The following ZNF462 variants were observed in gnomAD, a reference collection of about 807,000 sequenced individuals.
ZNF462 encodes zinc finger PBX1-interacting protein.
A neutral mutation model predicts 201.9 loss-of-function variants in ZNF462; 10 were observed. The ratio of observed to expected loss-of-function variants is 0.05; its 90% confidence interval spans 0.03 to 0.08. The LOEUF (loss-of-function observed/expected upper bound fraction) is 0.08. ZNF462 is among the 10% of genes least tolerant of loss of function. The probability of loss-of-function intolerance (pLI) is 1.00; values close to 1 mark genes in which losing one functional copy is unlikely to be tolerated. For synonymous variants in ZNF462, 1,227 were observed against 1,193.3 expected, an observed-to-expected ratio of 1.03 and a Z score of -0.58; for missense variants, 2,523 against 3,168.3, an observed-to-expected ratio of 0.80 and a Z score of 4.89.
chr9:106,927,266 C>G lies in ZNF462; in HGVS notation c.3354C>G (p.His1118Gln). 6.5e-7 allele frequency: 1 copy of G among 1,541,244 alleles called. No homozygotes were observed. Among genetic ancestry groups the G allele is most frequent in the Non-Finnish European group, 8.8e-7 (1 of 1,133,698 alleles). ...GTACTGAGCTTTACTACTGCAAACA[C>G]TGTTCCTACAGCAATCGGTCAGTTG... ...DLSTELYYCK[H>Q]CSYSNRSVVG... is the part of the protein sequence containing the mutation. The change falls in exon 3 of 13, where the codon CAC (histidine) becomes CAG (glutamine). Residue 1118 changes from histidine (H) to glutamine (Q), a missense_variant. Physicochemically the swap from His to Gln is conservative, Grantham distance 24. Coordinates refer to ENST00000277225, the MANE Select transcript of ZNF462 (RefSeq NM_021224.6).
chr9:106,928,488 C>T lies in ZNF462; in HGVS notation c.4576C>T (p.Arg1526Cys), dbSNP rs1213565965. 1.2e-6 allele frequency: 2 copies of T among 1,614,118 alleles called. No homozygotes were observed. Among genetic ancestry groups the T allele is most frequent in the Non-Finnish European group, 1.7e-6 (2 of 1,180,016 alleles). The stretch of plus-strand genomic sequence containing the variant: ...CAGGCATTGCCCATACATCAACACC[C>T]GCATCCACGGCGTACTGACCCACTA... Reference protein sequence around the residue: ...KCRHCPYINTRIHGVLTHYQK... With the variant: ...KCRHCPYINTCIHGVLTHYQK... Residue 1526 changes from arginine to cysteine, a missense_variant, in exon 3 of 13, where the codon CGC becomes TGC. Around this residue, in one of 15 missense-constraint regions of ZNF462, gnomAD observed 200 missense variants for 281.3 expected, o/e 0.71. Coordinates refer to ENST00000277225, the MANE Select transcript of ZNF462 (RefSeq NM_021224.6). This position sits in a 1 kb window ranked among gnomAD's most constrained non-coding sequence, Gnocchi z 9.3.
rs765375994 is a variant in ZNF462, at chr9:106,971,977, C to G, written c.6428-28C>G. The G allele has an allele frequency of 3.3e-5, 52 of 1,597,786 alleles. No individual in the cohort carries two copies. In the South Asian group the frequency reaches 5.6e-4, roughly 17 times the overall value. On this transcript the variant is annotated intron_variant, in intron 7 of 12. Transcript: ENST00000277225. ...GATCACCTACTGTGTTCTCTGTGCC[C>G]CGTGTCATTTTTCCCGTCTCTTCAC...
Position 106,925,990 on chromosome 9 carries a change from G to A in ZNF462, c.2078G>A (p.Arg693Lys), listed in dbSNP as rs369192699. The A allele has an allele frequency of 9.3e-6, 15 of 1,614,054 alleles. No individual in the cohort carries two copies. The highest frequency in any genetic ancestry group is 2.2e-5 in the East Asian group (1 of 44,892). ...CTAGATTTGTCACCCGTGAAGAAGAGAACCAGGATTGACGAGATAGCAAGC... is the reference window on the plus strand; with the variant it reads ...CTAGATTTGTCACCCGTGAAGAAGAAAACCAGGATTGACGAGATAGCAAGC... Reference protein sequence around the residue: ...FPLDLSPVKKRTRIDEIASNL... With the variant: ...FPLDLSPVKKKTRIDEIASNL... Residue 693 changes from arginine to lysine, a missense_variant, in exon 3 of 13, where the codon AGA becomes AAA. Arg to Lys is a conservative substitution (Grantham distance 26). Transcript: ENST00000277225. The surrounding 1 kb of genome is among the most constrained non-coding windows in gnomAD (Gnocchi z 7.9).
chr9:106,894,597 A>G lies in ZNF462; in HGVS notation c.-30-28757A>G, dbSNP rs77062654. On this transcript the variant is annotated intron_variant, in intron 1 of 12. Transcript: ENST00000277225. ...GGTAACTACCTCAAGGTGAGTACCA[A>G]TGAAAACTCTTAAATAAGTACTTTG... Among the ~76,000 whole-genome samples the G allele has an allele frequency of 7.2e-3, 1,098 of 152,310 alleles. 4 individuals are homozygous for G. Among genetic ancestry groups the G allele is most frequent in the Non-Finnish European group, 0.011 (754 of 68,016 alleles).
At chr9:106,894,324 A>G (rs1185823453) in intron 1 of ZNF462, among the ~76,000 whole-genome samples, 1 of 152,234 alleles carries the variant, frequency 6.6e-6, no homozygotes. Flanking sequence ...TTGACAGTGT[A>G]GGTAGTAGAG....
Position 106,970,823 on chromosome 9 carries a change from C to CT in ZNF462, c.6428-1174dup, listed in dbSNP as rs5899721. ...CAACCCCTTTATTTATTTATTTTTA[C>CT]TTTTTTTTCTCTTCTTTTTTTTTAA... On this transcript the variant is annotated intron_variant, in intron 7 of 12. Coordinates refer to ENST00000277225, the MANE Select transcript of ZNF462 (RefSeq NM_021224.6). The surrounding 1 kb of genome is among the most constrained non-coding windows in gnomAD (Gnocchi z 4.2). 4.2e-5 allele frequency among the ~76,000 whole-genome samples: 6 copies of CT among 144,024 alleles called. No individual in the cohort carries two copies. The highest frequency in any genetic ancestry group is 3.4e-4 in the Admixed American group (5 of 14,848). The allele number at this position is 144,024 out of a possible 152,430, so 94.5% of individuals were successfully genotyped here.
In ZNF462 at chr9:106,938,708, T is replaced by G. The variant is rs1830735983; in HGVS notation, c.6236-208T>G. Among the ~76,000 whole-genome samples the G allele has an allele frequency of 6.6e-6, 1 of 152,204 alleles. No individual in the cohort carries two copies. Among genetic ancestry groups the G allele is most frequent in the Non-Finnish European group, 1.5e-5 (1 of 68,034 alleles). On this transcript the variant is annotated intron_variant, in intron 6 of 12. Coordinates refer to ENST00000277225, the MANE Select transcript of ZNF462 (RefSeq NM_021224.6). The surrounding 1 kb of genome is among the most constrained non-coding windows in gnomAD (Gnocchi z 4.4). ...CCAAAATGAAAAAGGACCAGTTCAC[T>G]AGATTCTGGAGCTCATGGAAGAGTT...
chr9:106,997,373 C>G (rs1318892496), intron 10 of ZNF462, among the ~76,000 whole-genome samples: 1 of 152,152 alleles, frequency 6.6e-6, no homozygotes, highest in Non-Finnish European at 1.5e-5. Context: ...CTACTGCACT[C>G]CCATGTTCCC....
chr9:106,946,249 C>G (rs1831100678), intron 7 of ZNF462, among the ~76,000 whole-genome samples: 1 of 152,172 alleles, frequency 6.6e-6, no homozygotes, highest in South Asian at 2.1e-4. Flanking sequence ...TCTTCCAGAC[C>G]TCATTTGTGG....
intron 7 of ZNF462, among the ~76,000 whole-genome samples, chr9:106,956,225 A>C (rs993913380): frequency 6.6e-6 from 1 of 152,196 alleles, no homozygotes; most frequent in Non-Finnish European, 1.5e-5. Flanking sequence ...CATGGGCTAC[A>C]GAGTGGATAT....
Position 106,919,541 on chromosome 9 carries a change from T to C in ZNF462, c.-30-3813T>C, listed in dbSNP as rs1829905516. On this transcript the variant is annotated intron_variant, in intron 1 of 12. Transcript: ENST00000277225. This position sits in a 1 kb window ranked among gnomAD's most constrained non-coding sequence, Gnocchi z 4.5. ...TCAAATCTTTGACATCATCTCTGGA[T>C]GTTCTTTATATCTTAAAGAGTTTGT... Among the ~76,000 whole-genome samples, 2 of 152,264 alleles carry C rather than the reference T, an allele frequency of 1.3e-5. No homozygotes were observed. The highest frequency in any genetic ancestry group is 4.1e-4 in the South Asian group (2 of 4,836).
At chr9:106,882,780 G>A (rs765103197) in intron 1 of ZNF462, among the ~76,000 whole-genome samples, 1 of 152,160 alleles carries the variant, frequency 6.6e-6, no homozygotes, top group Non-Finnish European at 1.5e-5. Flanking sequence ...TGTGAAAGAG[G>A]AAGACAGGTC....
intron 1 of ZNF462, among the ~76,000 whole-genome samples, chr9:106,882,434 G>A (rs190344546): frequency 2.0e-4 from 30 of 152,252 alleles, no homozygotes; most frequent in Admixed American, 1.1e-3. Flanking sequence ...CTGAAACATC[G>A]CTAGATTTAT....
At position 106,974,361 on chromosome 9, in the gene ZNF462, A is replaced by G; in HGVS notation, c.6832+88A>G. On this transcript the variant is annotated intron_variant, in intron 9 of 12. Coordinates refer to ENST00000277225, the MANE Select transcript of ZNF462 (RefSeq NM_021224.6). The surrounding 1 kb of genome is among the most constrained non-coding windows in gnomAD (Gnocchi z 4.0). ...AGGGATGCTCTCTCAGAGTGGCAGT[A>G]GCACCTGTGCCTTGTTCCTCACCTT... 6.3e-7 allele frequency: 1 copy of G among 1,582,282 alleles called. No individual in the cohort carries two copies. The highest frequency in any genetic ancestry group is 8.7e-7 in the Non-Finnish European group (1 of 1,151,552).
chr9:106,991,881 C>CACACACAA (rs1047460460), intron 10 of ZNF462, among the ~76,000 whole-genome samples: 5 of 139,556 alleles, frequency 3.6e-5, no homozygotes, highest in African/African-American at 1.3e-4. Context: ...CACACACACA[C>CACACACAA]AACAATCAAA....
Position 106,950,334 on chromosome 9 carries a change from A to G in ZNF462, c.6427+11227A>G, listed in dbSNP as rs1182698117. On this transcript the variant is annotated intron_variant, in intron 7 of 12. Transcript: ENST00000277225. This position sits in a 1 kb window ranked among gnomAD's most constrained non-coding sequence, Gnocchi z 4.1. ...AATAGAGCCACAACCAATGTGCTAGAAGTTGCAAATAGCTGCAGTCTATCT... is the reference window on the plus strand; with the variant it reads ...AATAGAGCCACAACCAATGTGCTAGGAGTTGCAAATAGCTGCAGTCTATCT... Among the ~76,000 whole-genome samples the G allele has an allele frequency of 6.6e-6, 1 of 152,234 alleles. No homozygotes were observed. Among genetic ancestry groups the G allele is most frequent in the South Asian group, 2.1e-4 (1 of 4,832 alleles).
Position 106,951,506 on chromosome 9 carries a change from C to T in ZNF462, c.6427+12399C>T, listed in dbSNP as rs537464957. On this transcript the variant is annotated intron_variant, in intron 7 of 12. Transcript: ENST00000277225. Reference sequence around the variant, plus strand: ...TTTCAAAACTATACTGTGCTGCACACGTTGGTGGTTGTTTTTATATTAATT... The same window carrying T: ...TTTCAAAACTATACTGTGCTGCACATGTTGGTGGTTGTTTTTATATTAATT... Among the ~76,000 whole-genome samples the T allele has an allele frequency of 3.9e-4, 60 of 152,242 alleles. No homozygotes were observed. The South Asian group carries it at 0.011, about 29-fold the overall frequency.
At chr9:106,961,177 G>C (rs1430256642) in intron 7 of ZNF462, among the ~76,000 whole-genome samples, 2 of 151,990 alleles carry the variant, frequency 1.3e-5, no homozygotes, top group Non-Finnish European at 2.9e-5. Flanking sequence ...ACTGATGGGT[G>C]AAAAAAATGA....
Position 106,913,073 on chromosome 9 carries a change from G to A in ZNF462, c.-30-10281G>A, listed in dbSNP as rs1567451. Among the ~76,000 whole-genome samples, 26,859 of 152,058 alleles carry A rather than the reference G, an allele frequency of 0.18. 3,164 individuals are homozygous for A. The highest frequency in any genetic ancestry group is 0.34 in the African/African-American group (14,083 of 41,434). On this transcript the variant is annotated intron_variant, in intron 1 of 12. Coordinates refer to ENST00000277225, the MANE Select transcript of ZNF462 (RefSeq NM_021224.6). This position sits in a 1 kb window ranked among gnomAD's most constrained non-coding sequence, Gnocchi z 4.1. Reference sequence around the variant, plus strand: ...TCACATCAGTTCAGGGTAGCTTAGCGGTGTTATAAACACATAGGTGGAACA... The same window carrying A: ...TCACATCAGTTCAGGGTAGCTTAGCAGTGTTATAAACACATAGGTGGAACA...
Sources: allele counts gnomAD v4.1 joint callset (sites outside exome capture counted in the v4.1 genomes callset), GRCh38; gene constraint gnomAD v4.1.1; regional missense constraint gnomAD v4.1.1; non-coding constraint Gnocchi (gnomAD v3.1); transcripts MANE v1.5; gene names NCBI Gene and HGNC (gene_info 2026-07-23, HGNC 2026-07-21).